The following ADGRB2 variants were observed in gnomAD, a reference collection of about 807,000 sequenced individuals.
The protein encoded by ADGRB2 is adhesion G protein-coupled receptor B2, also known as brain-specific angiogenesis inhibitor 2.
In ADGRB2, 47 loss-of-function variants were observed where a neutral mutation model predicts 178.7. The observed-to-expected ratio is 0.26, with a 90% CI of 0.21 to 0.34. The LOEUF (loss-of-function observed/expected upper bound fraction) is 0.34, where lower values mean the gene tolerates loss of function less well. ADGRB2 is among the 10% of genes least tolerant of loss of function. The pLI is 1.00. For synonymous variants in ADGRB2, 870 were observed against 912.4 expected, an observed-to-expected ratio of 0.95 and a Z score of 0.84; for missense variants, 1,584 against 2,180.8, an observed-to-expected ratio of 0.73 and a Z score of 5.45.
rs1645979749 is a variant in ADGRB2 at position 31,741,719 on chromosome 1, T to G, written c.1592A>C (p.His531Pro). 6.2e-7 allele frequency: 1 copy of G among 1,612,880 alleles called. No homozygotes were observed. Among genetic ancestry groups the G allele is most frequent in the Admixed American group, 1.7e-5 (1 of 59,956 alleles). ...CACGTACTCATCCCTGCACATCTCA[T>G]GGAAGGCTGTGGGTGCAGGGGTAAG... is the stretch of plus-strand genomic sequence containing the variant. ...PCSEKRCPAFHEMCRDEYVML... is the reference protein window; with the variant it reads ...PCSEKRCPAFPEMCRDEYVML... The change falls in exon 10 of 33, where the codon CAT (histidine) becomes CCT (proline). Residue 531 changes from histidine (H) to proline (P), a missense_variant. This residue lies in a region of ADGRB2 where 657 missense variants were observed against 847.6 expected (regional missense o/e 0.78). Coordinates refer to ENST00000373658, the MANE Select transcript of ADGRB2 (RefSeq NM_001364857.2). The surrounding 1 kb of genome is among the most constrained non-coding windows in gnomAD (Gnocchi z 6.5).
At chr1:31,746,761 G>A (rs1646295665) in intron 4 of ADGRB2, among the ~76,000 whole-genome samples, 1 of 152,122 alleles carries the variant, frequency 6.6e-6, no homozygotes, top group African/African-American at 2.4e-5. Context: ...CAGCCCCGTG[G>A]CCTGGGCCTG....
rs771969574 is a variant in ADGRB2 at position 31,742,065 on chromosome 1, G to A, written c.1405C>T (p.Leu469Phe). ...ALTDTRECSNLECPATDSKWG... is the reference protein window; with the variant it reads ...ALTDTRECSNFECPATDSKWG... ...GCCAAGCACTCACCCGGGCACTCGA[G>A]GTTGCTGCACTCCCGGGTGTCAGTG... The change falls in exon 8 of 33, where the codon CTC (leucine) becomes TTC (phenylalanine). Residue 469 changes from leucine (L) to phenylalanine (F), a missense_variant. Physicochemically the swap from Leu to Phe is conservative, Grantham distance 22. Coordinates refer to ENST00000373658, the MANE Select transcript of ADGRB2 (RefSeq NM_001364857.2). 15 of 1,610,092 alleles carry A rather than the reference G, an allele frequency of 9.3e-6. No individual in the cohort carries two copies. The highest frequency in any genetic ancestry group is 1.3e-5 in the Non-Finnish European group (15 of 1,177,828).
In ADGRB2 at chr1:31,736,410, AGAGT is replaced by A. The variant is rs1645609819; in HGVS notation, c.3131-24_3131-21del. ...GCAGACCTGGGGGAGCAGGGGTGCC[AGAGT>A]GAGATGGTTGCTGGTCTTCAGGGAC... is the stretch of plus-strand genomic sequence containing the variant. On this transcript the variant is annotated intron_variant, in intron 21 of 32. Coordinates refer to ENST00000373658, the MANE Select transcript of ADGRB2 (RefSeq NM_001364857.2). 6.2e-7 allele frequency: 1 copy of A among 1,613,448 alleles called. No homozygotes were observed. The highest frequency in any genetic ancestry group is 1.3e-5 in the African/African-American group (1 of 74,866).
rs777601206 is a variant in ADGRB2, at chr1:31,744,514, C to T, written c.922+134G>A. 545 of 1,436,666 alleles carry T rather than the reference C, an allele frequency of 3.8e-4. 2 individuals carry two copies. Among genetic ancestry groups the T allele is most frequent in the Non-Finnish European group, 3.3e-4 (347 of 1,051,720 alleles). The allele number at this position is 1,436,666 out of a possible 1,614,324, so 89.0% of individuals were successfully genotyped here. A position where few individuals can be genotyped will look rare whatever the true frequency, so the allele number is the denominator to read the frequency against. On this transcript the variant is annotated intron_variant, in intron 5 of 32. Coordinates refer to ENST00000373658, the MANE Select transcript of ADGRB2 (RefSeq NM_001364857.2). The surrounding 1 kb of genome is among the most constrained non-coding windows in gnomAD (Gnocchi z 6.7). ...CTCTTCAGGAGGCCACCCAGCCCTT[C>T]CCACAAGCTTCATGTGGCACAGACG... is the stretch of plus-strand genomic sequence containing the variant.
intron 26 of ADGRB2, 85 bp downstream of exon 26, chr1:31,732,887 G>A (rs566120639): frequency 3.2e-4 from 474 of 1,470,508 alleles, no homozygotes; most frequent in Non-Finnish European, 4.1e-4. Context: ...TCGGGGCCTC[G>A]ATCCTCCCGG....
rs542313177 is a variant in ADGRB2, at chr1:31,759,484, G to T, written c.-190-1973C>A. On this transcript the variant is annotated intron_variant, in intron 1 of 32. Coordinates refer to ENST00000373658, the MANE Select transcript of ADGRB2 (RefSeq NM_001364857.2). The surrounding 1 kb of genome is among the most constrained non-coding windows in gnomAD (Gnocchi z 4.3). ...GCCCCGCCCCATCAAGAAGCACAAGGTCCACATCCTTCAGAGCCACAGGCT... is the reference window on the plus strand; with the variant it reads ...GCCCCGCCCCATCAAGAAGCACAAGTTCCACATCCTTCAGAGCCACAGGCT... 2 of 714,408 alleles carry T rather than the reference G, an allele frequency of 2.8e-6. No homozygotes were observed. The highest frequency in any genetic ancestry group is 2.0e-5 in the Admixed American group (1 of 51,250). The allele number at this position is 714,408 out of a possible 1,614,324, so 44.3% of individuals were successfully genotyped here.
chr1:31,752,502 G>C (rs1234725490), intron 4 of ADGRB2, among the ~76,000 whole-genome samples: 1 of 152,228 alleles, frequency 6.6e-6, no homozygotes, highest in Non-Finnish European at 1.5e-5. Context: ...CAGGGTCTGA[G>C]CGCTGGGAGG....
At chr1:31,729,883 G>A (rs1334079036) in intron 29 of ADGRB2, among the ~76,000 whole-genome samples, 1 of 152,224 alleles carries the variant, frequency 6.6e-6, no homozygotes, top group Non-Finnish European at 1.5e-5. Context: ...TGCCATCTGT[G>A]GCAGAAGCAG....
rs368610104 is a variant in ADGRB2 at position 31,731,315 on chromosome 1, G to A, written c.3865C>T (p.Pro1289Ser). The change falls in exon 29 of 33, where the codon CCT (proline) becomes TCT (serine). Residue 1289 changes from proline to serine, a missense_variant. Physicochemically the swap from Pro to Ser is moderately conservative, Grantham distance 74 (BLOSUM62 -1). Coordinates refer to ENST00000373658, the MANE Select transcript of ADGRB2 (RefSeq NM_001364857.2). ...GGTGAGAAGCTGAGGCTGCCCTCAG[G>A]GCCCACGAGGCAGGACTTGGGCTCC... is the stretch of plus-strand genomic sequence containing the variant. ...DEEPKSCLVGPEGSLSFSPLP... is the reference protein window; with the variant it reads ...DEEPKSCLVGSEGSLSFSPLP... The A allele has an allele frequency of 5.8e-5, 93 of 1,612,576 alleles. No homozygotes were observed. Among genetic ancestry groups the A allele is most frequent in the Non-Finnish European group, 7.1e-5 (84 of 1,179,850 alleles).
intron 4 of ADGRB2, among the ~76,000 whole-genome samples, chr1:31,746,558 G>A (rs369140984): frequency 3.3e-5 from 5 of 152,110 alleles, no homozygotes; most frequent in East Asian, 1.9e-4. Context: ...CTGGGCGCCC[G>A]GGACTTCTCA....
rs748582805 is a variant in ADGRB2 at position 31,728,619 on chromosome 1, C to T, written c.4395G>A (p.Arg1465=). Reference sequence around the variant, plus strand: ...TTACCTCAAAGTCCAGGTCTGAATACCGTAATTTCTTTCGCTGGGAAGGAG... The same window carrying T: ...TTACCTCAAAGTCCAGGTCTGAATATCGTAATTTCTTTCGCTGGGAAGGAG... ...KMGSLERKKL[R]YSDLDFEKVM... Residue 1465 remains arginine, a synonymous_variant, in exon 30 of 33, where the codon CGG becomes CGA. Coordinates refer to ENST00000373658, the MANE Select transcript of ADGRB2 (RefSeq NM_001364857.2). The surrounding 1 kb of genome is among the most constrained non-coding windows in gnomAD (Gnocchi z 6.7). 1.5e-5 allele frequency: 24 copies of T among 1,614,038 alleles called. No individual in the cohort carries two copies. The highest frequency in any genetic ancestry group is 2.0e-5 in the Non-Finnish European group (24 of 1,180,002).
chr1:31,764,071 G>T lies in ADGRB2; in HGVS notation c.-378C>A. Reference sequence around the variant, plus strand: ...AAGGCGCCGCGGAGCAGCGCGGGGCGGGCGGGCGGGCGGCGCCGGGCCGGG... The same window carrying T: ...AAGGCGCCGCGGAGCAGCGCGGGGCTGGCGGGCGGGCGGCGCCGGGCCGGG... On this transcript the variant is annotated 5_prime_UTR_variant, in exon 1 of 33. Coordinates refer to ENST00000373658, the MANE Select transcript of ADGRB2 (RefSeq NM_001364857.2). The surrounding 1 kb of genome is among the most constrained non-coding windows in gnomAD (Gnocchi z 7.3). The T allele has an allele frequency of 1.5e-5, 14 of 960,312 alleles. No homozygotes were observed. Among genetic ancestry groups the T allele is most frequent in the Non-Finnish European group, 1.6e-5 (13 of 811,264 alleles). The allele number at this position is 960,312 out of a possible 1,614,324, so 59.5% of individuals were successfully genotyped here.
At position 31,744,558 on chromosome 1, in the gene ADGRB2, G is replaced by A. The variant is rs913296397; in HGVS notation, c.922+90C>T. The A allele has an allele frequency of 6.6e-7, 1 of 1,511,180 alleles. No individual in the cohort carries two copies. The highest frequency in any genetic ancestry group is 1.4e-5 in the African/African-American group (1 of 72,256). The allele number at this position is 1,511,180 out of a possible 1,614,324, so 93.6% of individuals were successfully genotyped here. A position where few individuals can be genotyped will look rare whatever the true frequency, so the allele number is the denominator to read the frequency against. On this transcript the variant is annotated intron_variant, in intron 5 of 32. Transcript: ENST00000373658. This position sits in a 1 kb window ranked among gnomAD's most constrained non-coding sequence, Gnocchi z 6.7. ...ACAGACGCGACTGAACTGCAGGACA[G>A]AGACAGACAGGCACACACCAAGCAC...
In ADGRB2 at chr1:31,735,926, C is replaced by T; in HGVS notation, c.3201-33G>A. 6.5e-7 allele frequency: 1 copy of T among 1,546,418 alleles called. No individual in the cohort carries two copies. The highest frequency in any genetic ancestry group is 8.7e-7 in the Non-Finnish European group (1 of 1,143,386). Reference sequence around the variant, plus strand: ...GGGGGAGAAGAAGGGTGTCAGACACCCAGCAGCCTCCCTCCCCACCCTCAA... The same window carrying T: ...GGGGGAGAAGAAGGGTGTCAGACACTCAGCAGCCTCCCTCCCCACCCTCAA... On this transcript the variant is annotated intron_variant, in intron 22 of 32. Transcript: ENST00000373658. The surrounding 1 kb of genome is among the most constrained non-coding windows in gnomAD (Gnocchi z 6.0).
At chr1:31,762,577 C>T (rs1647071120) in intron 1 of ADGRB2, among the ~76,000 whole-genome samples, 1 of 152,220 alleles carries the variant, frequency 6.6e-6, no homozygotes, top group Admixed American at 6.5e-5. Context: ...TCAAAGGACT[C>T]TTGACTTGCT....
chr1:31,738,936 G>A lies in ADGRB2; in HGVS notation c.2497C>T (p.Pro833Ser). The A allele has an allele frequency of 1.9e-6, 3 of 1,608,104 alleles. No homozygotes were observed. Among genetic ancestry groups the A allele is most frequent in the Non-Finnish European group, 2.6e-6 (3 of 1,176,280 alleles). The stretch of plus-strand genomic sequence containing the variant: ...ACCCGGGATGTGACGGCCAGCGGGG[G>A]CCTGCGGGACAGGTACCGAAGTCAG... Reference protein sequence around the residue: ...TLGLILPPPRPPLAVTSRVMT... With the variant: ...TLGLILPPPRSPLAVTSRVMT... Residue 833 changes from proline to serine, a missense_variant and splice_region_variant, in exon 16 of 33, where the codon CCC (proline) becomes TCC (serine). Physicochemically the swap from Pro to Ser is moderately conservative, Grantham distance 74. Coordinates refer to ENST00000373658, the MANE Select transcript of ADGRB2 (RefSeq NM_001364857.2).
chr1:31,735,568 C>T lies in ADGRB2; in HGVS notation c.3353+12G>A, dbSNP rs2271930. The T allele has an allele frequency of 2.3e-3, 3,648 of 1,606,552 alleles. 89 individuals are homozygous for T. The East Asian group carries it at 0.052, about 23-fold the overall frequency. On this transcript the variant is annotated intron_variant, in intron 24 of 32. Transcript: ENST00000373658. The surrounding 1 kb of genome is among the most constrained non-coding windows in gnomAD (Gnocchi z 6.0). ...TTCCAGAAAGGCCAAGTCTCAGAGG[C>T]CCCCCCCTTACCCGGCCCTCTGCTT...
chr1:31,743,022 C>CGGTGGCT lies in ADGRB2; in HGVS notation c.1088-27_1088-21dup. Reference sequence around the variant, plus strand: ...CGTGCACTGCAAGGAAGCACGTGGCCGGTGGCTGGGCGGCACCATGGCCCC... The same window carrying CGGTGGCT: ...CGTGCACTGCAAGGAAGCACGTGGCCGGTGGCTGGTGGCTGGGCGGCACCATGGCCCC... On this transcript the variant is annotated intron_variant, in intron 6 of 32. Transcript: ENST00000373658. The CGGTGGCT allele has an allele frequency of 1.4e-6, 2 of 1,406,216 alleles. No homozygotes were observed. The highest frequency in any genetic ancestry group is 9.3e-7 in the Non-Finnish European group (1 of 1,075,152). The allele number at this position is 1,406,216 out of a possible 1,614,324, so 87.1% of individuals were successfully genotyped here.
At chr1:31,757,174 T>A (rs1444826311) in intron 3 of ADGRB2, 27 bp downstream of exon 3, 13 of 1,614,052 alleles carry the variant, frequency 8.1e-6, no homozygotes, top group Non-Finnish European at 1.1e-5. Flanking sequence ...ATATTCGCCT[T>A]GCATTCAGAT....
Sources: gnomAD v4.1 joint callset for allele counts (sites outside exome capture counted in the v4.1 genomes callset) on GRCh38, gnomAD v4.1.1 for gene constraint, gnomAD v4.1.1 regional missense constraint, Gnocchi (gnomAD v3.1) non-coding constraint, MANE v1.5 for transcripts, NCBI Gene and HGNC (gene_info 2026-07-23, HGNC 2026-07-21) for gene names.